The following BRWD1 variants were observed in gnomAD, a reference collection of about 807,000 sequenced individuals.
The protein encoded by BRWD1 is bromodomain and WD repeat-containing protein 1.
BRWD1 carries 82 observed loss-of-function variants against 251.2 expected under a neutral mutation model. The ratio of observed to expected loss-of-function variants is 0.33; its 90% CI spans 0.27 to 0.39. The LOEUF (loss-of-function observed/expected upper bound fraction) is 0.39, where lower values mean the gene tolerates loss of function less well. Ranked by LOEUF, BRWD1 falls within the 10% of genes least tolerant of loss-of-function variation. The probability of loss-of-function intolerance (pLI) is 1.00; values close to 1 mark genes in which losing one functional copy is unlikely to be tolerated. For missense variants in BRWD1, 2,233 were observed against 2,711.6 expected (o/e 0.82, Z 3.92); for synonymous variants, 918 against 902.8 (o/e 1.02, Z -0.30).
intron 8 of BRWD1, among the ~76,000 whole-genome samples, chr21:39,292,566 T>G (rs1438131430): frequency 2.6e-5 from 4 of 152,202 alleles, no homozygotes; most frequent in Admixed American, 1.3e-4. Flanking sequence ...AACAATGTTT[T>G]AATCAAGCCC....
intron 21 of BRWD1, among the ~76,000 whole-genome samples, chr21:39,239,818 C>G (rs1272352524): frequency 2.0e-5 from 3 of 152,126 alleles, no homozygotes; most frequent in Admixed American, 6.6e-5. Context: ...CAAAATGGTA[C>G]AGCTACTTTG....
chr21:39,273,215 G>A (rs1335443897), intron 13 of BRWD1, among the ~76,000 whole-genome samples: 2 of 152,124 alleles, frequency 1.3e-5, no homozygotes, highest in African/African-American at 4.8e-5. Flanking sequence ...AATAATAGGT[G>A]AAACTGACTT....
At chr21:39,258,836 A>G (rs2034646944) in intron 17 of BRWD1, among the ~76,000 whole-genome samples, 164 bp from the exon 18 acceptor site, 1 of 152,338 alleles carries the variant, frequency 6.6e-6, no homozygotes, top group Non-Finnish European at 1.5e-5. Flanking sequence ...AAGTCAGAGA[A>G]AAGATTCAAA....
At chr21:39,208,141 A>G (rs2032493407) in intron 36 of BRWD1, among the ~76,000 whole-genome samples, 1 of 152,238 alleles carries the variant, frequency 6.6e-6, no homozygotes, top group Non-Finnish European at 1.5e-5. Context: ...AGTTAACCAT[A>G]GTTTTGAACA....
rs779324133 is a variant in BRWD1, at chr21:39,187,228, C to A, written c.*9031G>T. The A allele has an allele frequency of 3.1e-6, 5 of 1,613,592 alleles. No homozygotes were observed. Among genetic ancestry groups the A allele is most frequent in the Non-Finnish European group, 4.2e-6 (5 of 1,179,862 alleles). On this transcript the variant is annotated 3_prime_UTR_variant, in exon 41 of 41. Coordinates refer to ENST00000342449, the MANE Select transcript of BRWD1 (RefSeq NM_033656.4). ...CTTCCTAATCCAGACATTTTCTGGT[C>A]CTGAGATCGTTTCTTTTAGATTACT...
At chr21:39,215,870 C>T (rs547872440) in intron 31 of BRWD1, among the ~76,000 whole-genome samples, 45 of 152,094 alleles carry the variant, frequency 3.0e-4, no homozygotes, top group African/African-American at 9.6e-4. Context: ...CGTACTGGTG[C>T]GCACCTGTAG....
Position 39,190,572 on chromosome 21 carries a change from A to G in BRWD1, c.*5687T>C, listed in dbSNP as rs749850408. ...CAAGCCTTTTATCAGAAAAGACTTG[A>G]GATATTCTCTCCTCTGTCTGCCCTT... On this transcript the variant is annotated 3_prime_UTR_variant, in exon 41 of 41. Coordinates refer to ENST00000342449, the MANE Select transcript of BRWD1 (RefSeq NM_033656.4). The G allele has an allele frequency of 1.1e-4, 110 of 985,360 alleles. No homozygotes were observed. The highest frequency in any genetic ancestry group is 1.3e-4 in the Non-Finnish European group (109 of 829,914). The allele number at this position is 985,360 out of a possible 1,614,324, so 61.0% of individuals were successfully genotyped here. A position where few individuals can be genotyped will look rare whatever the true frequency, so the allele number is the denominator to read the frequency against.
chr21:39,234,172 A>T (rs949977542), intron 23 of BRWD1, among the ~76,000 whole-genome samples: 1 of 152,238 alleles, frequency 6.6e-6, no homozygotes, highest in Non-Finnish European at 1.5e-5. Flanking sequence ...TTTGGTTATG[A>T]TATATTAATA....
At chr21:39,272,815 T>G (rs2035162067) in intron 13 of BRWD1, among the ~76,000 whole-genome samples, 2 of 152,122 alleles carry the variant, frequency 1.3e-5, no homozygotes, top group Admixed American at 1.3e-4. Flanking sequence ...TTTCACCATG[T>G]TGGCCAGGCT....
intron 17 of BRWD1, among the ~76,000 whole-genome samples, chr21:39,263,948 A>C (rs2034836810): frequency 6.6e-6 from 1 of 152,202 alleles, no homozygotes; most frequent in Non-Finnish European, 1.5e-5. Context: ...ACCGGAACCT[A>C]ATCAAGAAGT....
chr21:39,305,855 T>A (rs1309181809), intron 4 of BRWD1, among the ~76,000 whole-genome samples: 2 of 104,464 alleles, frequency 1.9e-5, no homozygotes, highest in African/African-American at 8.0e-5. Flanking sequence ...GGTGCAAGAC[T>A]GTCTCAAAAA....
chr21:39,260,111 A>T (rs2034693087), intron 17 of BRWD1, among the ~76,000 whole-genome samples: 1 of 152,202 alleles, frequency 6.6e-6, no homozygotes, highest in Non-Finnish European at 1.5e-5. Flanking sequence ...GTCTTTAAAA[A>T]TTTTATCAGT....
chr21:39,269,173 A>G (rs752463260), intron 15 of BRWD1, among the ~76,000 whole-genome samples: 4 of 151,978 alleles, frequency 2.6e-5, no homozygotes, highest in Middle Eastern at 3.2e-3. Context: ...AACTATAATT[A>G]TGATTATGTG....
At chr21:39,205,974 G>T in intron 37 of BRWD1, 134 bp downstream of exon 37, 1 of 805,582 alleles carries the variant, frequency 1.2e-6, no homozygotes, top group Non-Finnish European at 1.9e-6. Context: ...CAGCTACTTG[G>T]GAGGCTGAGG....
At position 39,187,629 on chromosome 21, in the gene BRWD1, A is replaced by G; in HGVS notation, c.*8630T>C. On this transcript the variant is annotated 3_prime_UTR_variant, in exon 41 of 41. Coordinates refer to ENST00000342449, the MANE Select transcript of BRWD1 (RefSeq NM_033656.4). ...TACAACTATAAGGATGTCACTTAAA[A>G]CAGTAGCAGACTTGTAAGAATGGGG... 1.0e-6 allele frequency: 1 copy of G among 985,338 alleles called. No homozygotes were observed. Among genetic ancestry groups the G allele is most frequent in the Non-Finnish European group, 1.2e-6 (1 of 829,850 alleles). The allele number at this position is 985,338 out of a possible 1,614,324, so 61.0% of individuals were successfully genotyped here. A position where few individuals can be genotyped will look rare whatever the true frequency, so the allele number is the denominator to read the frequency against.
At position 39,274,408 on chromosome 21, in the gene BRWD1, T is replaced by C; in HGVS notation, c.1210A>G (p.Ser404Gly). 1 of 1,613,958 alleles carries C rather than the reference T, an allele frequency of 6.2e-7. No individual in the cohort carries two copies. Among genetic ancestry groups the C allele is most frequent in the Non-Finnish European group, 8.5e-7 (1 of 1,179,928 alleles). Residue 404 changes from serine to glycine, a missense_variant, in exon 13 of 41, where the codon AGC (serine) becomes GGC (glycine). Physicochemically the swap from Ser to Gly is moderately conservative, Grantham distance 56 (BLOSUM62 0). Transcript: ENST00000342449. ...CTGGTAGCCATATCCAATAAAATGC[T>C]CCTCCATTCTAACTGCTCAAATCTC... Reference protein sequence around the residue: ...IWRFEQLEWRSILLDMATRIS... With the variant: ...IWRFEQLEWRGILLDMATRIS...
intron 4 of BRWD1, among the ~76,000 whole-genome samples, chr21:39,310,412 G>A (rs573061801): frequency 1.3e-5 from 2 of 152,240 alleles, no homozygotes; most frequent in East Asian, 3.9e-4. Flanking sequence ...ACAGAGGCAG[G>A]CAGATCACCT....
intron 40 of BRWD1, among the ~76,000 whole-genome samples, chr21:39,198,187 A>T (rs1391579714): frequency 6.6e-6 from 1 of 152,206 alleles, no homozygotes; most frequent in East Asian, 1.9e-4. Context: ...CAGGGGTACA[A>T]TCTTAATTCA....
chr21:39,193,009 T>C lies in BRWD1; in HGVS notation c.*3250A>G. On this transcript the variant is annotated 3_prime_UTR_variant, in exon 41 of 41. Coordinates refer to ENST00000342449, the MANE Select transcript of BRWD1 (RefSeq NM_033656.4). Reference sequence around the variant, plus strand: ...GTGATAATTTTTACTTACGAGGTCATAACGAGTGCAAAGGGCTTAGTGATG... The same window carrying C: ...GTGATAATTTTTACTTACGAGGTCACAACGAGTGCAAAGGGCTTAGTGATG... The C allele has an allele frequency of 1.0e-6, 1 of 984,756 alleles. No homozygotes were observed. The highest frequency in any genetic ancestry group is 1.2e-6 in the Non-Finnish European group (1 of 829,352). 61.0% of individuals were successfully genotyped at this position (984,756 alleles called of 1,614,324 possible). A position where few individuals can be genotyped will look rare whatever the true frequency, so the allele number is the denominator to read the frequency against.
Sources: allele counts gnomAD v4.1 joint callset (sites outside exome capture counted in the v4.1 genomes callset), GRCh38; gene constraint gnomAD v4.1.1; transcripts MANE v1.5; gene names NCBI Gene and HGNC (gene_info 2026-07-23, HGNC 2026-07-21).